XRCC4: variants seen among roughly 807,000 people sequenced by gnomAD.
XRCC4 encodes the protein X-ray repair cross complementing 4.
XRCC4 carries 28 observed loss-of-function variants against 39.1 expected under a neutral mutation model. The observed-to-expected ratio is 0.72, with a 90% CI of 0.53 to 0.98. XRCC4 has a LOEUF of 0.98. Among genes scored for constraint, XRCC4 ranks in the 50% least tolerant of loss-of-function variants. XRCC4 has a pLI of 0.00. For synonymous variants in XRCC4, 123 were observed against 126.4 expected, an observed-to-expected ratio of 0.97 and a Z score of 0.18; for missense variants, 350 against 376.4, an observed-to-expected ratio of 0.93 and a Z score of 0.58.
chr5:83,168,430 A>C (rs1168303870), intron 3 of XRCC4, among the ~76,000 whole-genome samples: 1 of 152,200 alleles, frequency 6.6e-6, no homozygotes, highest in Non-Finnish European at 1.5e-5. Flanking sequence ...ATCACGTTGA[A>C]AGTTTTAAAA....
rs115612186 is a variant in XRCC4 at position 83,246,491 on chromosome 5, A to G, written c.746-12039A>G. The stretch of plus-strand genomic sequence containing the variant: ...TTACTTTGTCCACATTTAATTAGAA[A>G]AAGTTTGTGTCTTTTATATTCTACT... On this transcript the variant is annotated intron_variant, in intron 6 of 7. Transcript: ENST00000396027. 5.9e-3 allele frequency among the ~76,000 whole-genome samples: 903 copies of G among 152,246 alleles called. 12 individuals are homozygous for G. The highest frequency in any genetic ancestry group is 0.021 in the African/African-American group (867 of 41,566).
chr5:83,298,250 A>C (rs557083431), intron 7 of XRCC4, among the ~76,000 whole-genome samples: 43 of 151,808 alleles, frequency 2.8e-4, no homozygotes, highest in Admixed American at 5.2e-4. Flanking sequence ...AACTGTCTAC[A>C]ATTGGGTGGA....
intron 1 of XRCC4, among the ~76,000 whole-genome samples, chr5:83,094,165 A>C (rs1745559804): frequency 6.6e-6 from 1 of 151,894 alleles, no homozygotes; most frequent in South Asian, 2.1e-4. Flanking sequence ...TGATTAGGGA[A>C]CTTTTCATTT....
the XRCC4 span, among the ~76,000 whole-genome samples, chr5:83,362,240 A>G: frequency 1.5e-4 from 23 of 149,114 alleles, no homozygotes; most frequent in African/African-American, 2.2e-4. Context: ...TGATTAAAGT[A>G]TAAGAAGCGA....
chr5:83,276,660 C>T (rs1055720255), intron 7 of XRCC4, among the ~76,000 whole-genome samples: 1 of 152,118 alleles, frequency 6.6e-6, no homozygotes, highest in African/African-American at 2.4e-5. Flanking sequence ...GGATCCAGAA[C>T]TTTAATAAAG....
intron 3 of XRCC4, among the ~76,000 whole-genome samples, chr5:83,134,942 C>T (rs1294410612): frequency 6.6e-6 from 1 of 152,098 alleles, no homozygotes; most frequent in African/African-American, 2.4e-5. Context: ...GCATTGACCA[C>T]GAACCCACCA....
At chr5:83,110,941 TA>T in intron 2 of XRCC4, 86 bp from the exon 3 acceptor site, 1 of 1,235,484 alleles carries the variant, frequency 8.1e-7, no homozygotes, top group Non-Finnish European at 1.1e-6. Context: ...TTACATGTGA[TA>T]AATTAGTACT....
intron 7 of XRCC4, chr5:83,311,117 C>T (rs535927228): frequency 2.7e-5 from 6 of 218,916 alleles, no homozygotes; most frequent in Admixed American, 1.1e-4. Flanking sequence ...AACTAATACA[C>T]ATAAGGAATT....
At chr5:83,183,972 G>A (rs963379439) in intron 3 of XRCC4, among the ~76,000 whole-genome samples, 1 of 151,938 alleles carries the variant, frequency 6.6e-6, no homozygotes, top group African/African-American at 2.4e-5. Flanking sequence ...AGATTATATA[G>A]CAAAGTAAAT....
chr5:83,171,329 A>G (rs995025281), intron 3 of XRCC4, among the ~76,000 whole-genome samples: 4 of 152,110 alleles, frequency 2.6e-5, no homozygotes, highest in African/African-American at 9.7e-5. Flanking sequence ...GATCTAATTC[A>G]ATTATTCTCC....
At chr5:83,274,574 T>C (rs1754259337) in intron 7 of XRCC4, among the ~76,000 whole-genome samples, 2 of 152,094 alleles carry the variant, frequency 1.3e-5, no homozygotes, top group Admixed American at 6.5e-5. Flanking sequence ...TGTAAAATAA[T>C]AAAGAAATAT....
intron 7 of XRCC4, among the ~76,000 whole-genome samples, chr5:83,339,033 C>T (rs1238710646): frequency 6.6e-6 from 1 of 150,926 alleles, no homozygotes; most frequent in African/African-American, 2.4e-5. Context: ...TAGACTGTGT[C>T]CCCACAGCTT....
intron 3 of XRCC4, among the ~76,000 whole-genome samples, chr5:83,129,172 C>A (rs1473666755): frequency 1.4e-5 from 2 of 144,260 alleles, no homozygotes; most frequent in Non-Finnish European, 3.0e-5. Context: ...AGGAAGGGAC[C>A]CAGTTTCAGC....
chr5:83,178,356 C>G (rs189919144), intron 3 of XRCC4, among the ~76,000 whole-genome samples: 6 of 152,188 alleles, frequency 3.9e-5, no homozygotes, highest in Admixed American at 3.9e-4. Flanking sequence ...TGGGTGAAAT[C>G]TCATGATCTC....
intron 7 of XRCC4, among the ~76,000 whole-genome samples, chr5:83,262,597 A>G (rs1753791103): frequency 6.6e-6 from 1 of 152,092 alleles, no homozygotes; most frequent in African/African-American, 2.4e-5. Context: ...ACAGATATAA[A>G]ATAAATATAA....
chr5:83,097,253 G>A (rs1276393649), intron 1 of XRCC4, among the ~76,000 whole-genome samples: 1 of 151,916 alleles, frequency 6.6e-6, no homozygotes, highest in African/African-American at 2.4e-5. Flanking sequence ...GTATGAAATT[G>A]TCATTTTTAT....
At chr5:83,357,369 C>A (rs1265145858), downstream of XRCC4, among the ~76,000 whole-genome samples, 1 of 151,932 alleles carries the variant, frequency 6.6e-6, no homozygotes, top group South Asian at 2.1e-4. Flanking sequence ...GAGTGGTAGT[C>A]CAGATGGTAT....
intron 3 of XRCC4, among the ~76,000 whole-genome samples, chr5:83,187,688 C>T (rs1750515228): frequency 6.6e-6 from 1 of 152,156 alleles, no homozygotes; most frequent in Admixed American, 6.5e-5. Context: ...AATAGATCAA[C>T]ATTAATCTAC....
intron 1 of XRCC4, among the ~76,000 whole-genome samples, chr5:83,089,393 C>T (rs1198233709): frequency 1.3e-5 from 2 of 152,218 alleles, no homozygotes; most frequent in Non-Finnish European, 2.9e-5. Flanking sequence ...AATATCCTTC[C>T]TATATTAAAC....
Sources: allele counts gnomAD v4.1 joint callset (sites outside exome capture counted in the v4.1 genomes callset), GRCh38; gene constraint gnomAD v4.1.1; transcripts MANE v1.5; gene names NCBI Gene and HGNC (gene_info 2026-07-23, HGNC 2026-07-21).